The following MAP4K5 variants were observed in gnomAD, a reference collection of about 807,000 sequenced individuals.
The protein encoded by MAP4K5 is mitogen-activated protein kinase kinase kinase kinase 5.
MAP4K5 carries 82 observed loss-of-function variants against 135.6 expected under a neutral mutation model. The ratio of observed to expected loss-of-function variants is 0.60; its 90% confidence interval spans 0.51 to 0.73. The LOEUF (loss-of-function observed/expected upper bound fraction) is 0.73, where lower values mean the gene tolerates loss of function less well. MAP4K5 is among the 30% of genes least tolerant of loss of function. The pLI, the probability that MAP4K5 is intolerant of heterozygous loss-of-function variation, is 0.00. For missense variants in MAP4K5, 907 were observed against 1,010.9 expected, an observed-to-expected ratio of 0.90 and a Z score of 1.39; for synonymous variants, 347 against 335.0, an observed-to-expected ratio of 1.04 and a Z score of -0.39.
chr14:50,462,212 C>T (rs1214349426), intron 13 of MAP4K5, among the ~76,000 whole-genome samples: 1 of 152,162 alleles, frequency 6.6e-6, no homozygotes, highest in Non-Finnish European at 1.5e-5. Flanking sequence ...GAAAGCAAGG[C>T]TCTTAAAACC....
intron 2 of MAP4K5, among the ~76,000 whole-genome samples, chr14:50,505,955 A>G (rs1187169604): frequency 6.6e-6 from 1 of 152,232 alleles, no homozygotes; most frequent in Non-Finnish European, 1.5e-5. Flanking sequence ...CAAATAGTCT[A>G]AAAACATTTT....
intron 1 of MAP4K5, among the ~76,000 whole-genome samples, chr14:50,551,491 T>G (rs1237871679): frequency 6.6e-6 from 1 of 151,976 alleles, no homozygotes; most frequent in Non-Finnish European, 1.5e-5. Flanking sequence ...TTTCAAAAGA[T>G]AAAGAAAGAT....
At chr14:50,543,032 T>G (rs185107779) in intron 1 of MAP4K5, among the ~76,000 whole-genome samples, 1 of 152,302 alleles carries the variant, frequency 6.6e-6, no homozygotes, top group African/African-American at 2.4e-5. Flanking sequence ...AATGTGAAAA[T>G]AACTGTGAAC....
intron 18 of MAP4K5, 99 bp from the exon 19 acceptor site, chr14:50,444,135 T>A: frequency 1.3e-6 from 1 of 791,948 alleles, no homozygotes; most frequent in Non-Finnish European, 2.1e-6. Flanking sequence ...TTCACTTGGG[T>A]GATCCTTTAT....
At chr14:50,454,701 A>C (rs1338967939) in intron 14 of MAP4K5, among the ~76,000 whole-genome samples, 2 of 152,208 alleles carry the variant, frequency 1.3e-5, no homozygotes, top group East Asian at 1.9e-4. Context: ...ACTAAATCTT[A>C]TCTCTGAAGA....
At chr14:50,516,072 A>G (rs1445200237) in intron 2 of MAP4K5, among the ~76,000 whole-genome samples, 1 of 152,184 alleles carries the variant, frequency 6.6e-6, no homozygotes, top group Non-Finnish European at 1.5e-5. Context: ...CACACTCTTC[A>G]CATCTGACAT....
In MAP4K5 at chr14:50,541,994, G is replaced by A. The variant is rs201052297; in HGVS notation, c.-94+505C>T. Among the ~76,000 whole-genome samples, 2 of 103,428 alleles carry A rather than the reference G, an allele frequency of 1.9e-5. 1 individual carries two copies. Among genetic ancestry groups the A allele is most frequent in the South Asian group, 7.0e-4 (2 of 2,848 alleles). 67.9% of individuals were successfully genotyped at this position (103,428 alleles called of 152,430 possible). On this transcript the variant is annotated intron_variant, in intron 2 of 8. Transcript: ENST00000555216. ...TGCACTCCAGCCTGGGCGACAGAGCGAGATTCCGTCTCAAAAAAAAAAAAA... is the reference window on the plus strand; with the variant it reads ...TGCACTCCAGCCTGGGCGACAGAGCAAGATTCCGTCTCAAAAAAAAAAAAA...
intron 26 of MAP4K5, 73 bp from the exon 27 acceptor site, chr14:50,435,138 C>T (rs2036061866): frequency 1.4e-6 from 1 of 713,944 alleles, no homozygotes; most frequent in Admixed American, 2.6e-5. Flanking sequence ...ATCTGTTAAC[C>T]AGGATGACAA....
At chr14:50,481,288 ATC>A (rs767540512) in intron 6 of MAP4K5, among the ~76,000 whole-genome samples, 2 of 149,946 alleles carry the variant, frequency 1.3e-5, no homozygotes, top group Admixed American at 6.7e-5. Flanking sequence ...TATATTACAC[ATC>A]TCTATATATA....
chr14:50,448,892 T>G lies in MAP4K5; in HGVS notation c.1016-60A>C, dbSNP rs546462083. 18 of 824,288 alleles carry G rather than the reference T, an allele frequency of 2.2e-5. No homozygotes were observed. In the South Asian group the frequency reaches 2.8e-4, roughly 13 times the overall value. The allele number at this position is 824,288 out of a possible 1,614,324, so 51.1% of individuals were successfully genotyped here. Reference sequence around the variant, plus strand: ...CATCTCAAAGGGTTGATCTCAGAAATGTAATGACAAGTTTGTATATGGGGT... The same window carrying G: ...CATCTCAAAGGGTTGATCTCAGAAAGGTAATGACAAGTTTGTATATGGGGT... On this transcript the variant is annotated intron_variant, in intron 14 of 32. Coordinates refer to ENST00000682126, the MANE Select transcript of MAP4K5 (RefSeq NM_006575.6).
chr14:50,433,739 G>A (rs183795301), intron 28 of MAP4K5, among the ~76,000 whole-genome samples: 1 of 152,294 alleles, frequency 6.6e-6, no homozygotes, highest in African/African-American at 2.4e-5. Context: ...CTTGGCATAT[G>A]TAAAAATGGC....
chr14:50,467,173 C>G (rs975602740), intron 10 of MAP4K5, among the ~76,000 whole-genome samples: 2 of 152,064 alleles, frequency 1.3e-5, no homozygotes, highest in African/African-American at 4.8e-5. Flanking sequence ...TGTCTATAAA[C>G]TCACGTGTGA....
intron 1 of MAP4K5, among the ~76,000 whole-genome samples, chr14:50,544,271 A>G (rs540379837): frequency 6.6e-6 from 1 of 152,338 alleles, no homozygotes; most frequent in East Asian, 1.9e-4. Context: ...CATGATGATC[A>G]CTTTGGCCCT....
chr14:50,471,577 CA>C (rs1288806116), intron 9 of MAP4K5, among the ~76,000 whole-genome samples: 1 of 152,066 alleles, frequency 6.6e-6, no homozygotes, highest in Non-Finnish European at 1.5e-5. Context: ...AGAAAAACCT[CA>C]TAAATGTAAG....
intron 2 of MAP4K5, among the ~76,000 whole-genome samples, chr14:50,526,365 T>A (rs1426919340): frequency 6.6e-6 from 1 of 152,204 alleles, no homozygotes; most frequent in Non-Finnish European, 1.5e-5. Context: ...AGTGGCGCAA[T>A]CTCAGCTCAC....
chr14:50,461,228 C>T (rs1409996355), intron 13 of MAP4K5, among the ~76,000 whole-genome samples: 3 of 151,820 alleles, frequency 2.0e-5, no homozygotes, highest in Non-Finnish European at 4.4e-5. Context: ...CAGGGTATCA[C>T]CATGTTGGCC....
At chr14:50,463,702 G>A (rs765814193) in intron 12 of MAP4K5, among the ~76,000 whole-genome samples, 2 of 151,748 alleles carry the variant, frequency 1.3e-5, no homozygotes, top group Non-Finnish European at 2.9e-5. Flanking sequence ...TGGCCAACAC[G>A]GTGAAACCCT....
At chr14:50,468,872 G>A in intron 9 of MAP4K5, 90 bp from the exon 10 acceptor site, 1 of 1,237,954 alleles carries the variant, frequency 8.1e-7, no homozygotes, top group African/African-American at 1.5e-5. Flanking sequence ...CTTGTTGGAG[G>A]GAAGGAAGCT....
At chr14:50,498,651 C>T (rs1048204825) in intron 3 of MAP4K5, among the ~76,000 whole-genome samples, 1 of 152,142 alleles carries the variant, frequency 6.6e-6, no homozygotes, top group Non-Finnish European at 1.5e-5. Flanking sequence ...TCAGTAAATA[C>T]AATTTAGGAC....
Sources: gnomAD v4.1 joint callset for allele counts (sites outside exome capture counted in the v4.1 genomes callset) on GRCh38, gnomAD v4.1.1 for gene constraint, MANE v1.5 for transcripts, NCBI Gene and HGNC (gene_info 2026-07-23, HGNC 2026-07-21) for gene names.